Variants in RAPGEF2 observed in about 807,000 individuals in gnomAD.
RAPGEF2 encodes the protein Rap guanine nucleotide exchange factor 2, also known as PDZ domain containing guanine nucleotide exchange factor (GEF) 1.
In RAPGEF2, 54 loss-of-function variants were observed where a neutral mutation model predicts 186.7. The observed-to-expected ratio is 0.29, with a 90% CI of 0.23 to 0.36. The LOEUF (loss-of-function observed/expected upper bound fraction) is 0.36. RAPGEF2 is among the 10% of genes least tolerant of loss of function. The pLI is 1.00. For synonymous variants in RAPGEF2, 712 were observed against 705.9 expected (o/e 1.01, Z -0.14); for missense variants, 1,532 against 2,045.0 (o/e 0.75, Z 4.84).
chr4:159,239,891 A>C (rs1035792592), intron 5 of RAPGEF2, among the ~76,000 whole-genome samples: 1 of 152,226 alleles, frequency 6.6e-6, no homozygotes, highest in African/African-American at 2.4e-5. Context: ...TTCAGAGAAG[A>C]TGTAGGGTTT....
At chr4:159,130,392 CTTG>C (rs888048575) in intron 1 of RAPGEF2, among the ~76,000 whole-genome samples, 8 of 152,320 alleles carry the variant, frequency 5.3e-5, no homozygotes, top group African/African-American at 1.9e-4. Flanking sequence ...ACAACAGGGT[CTTG>C]CCCTGTCACC....
chr4:159,178,468 G>C (rs528067381), intron 1 of RAPGEF2, among the ~76,000 whole-genome samples: 1 of 151,050 alleles, frequency 6.6e-6, no homozygotes, highest in African/African-American at 2.4e-5. Context: ...TATATATTCT[G>C]AATGAGTCTC....
At chr4:159,144,511 G>A (rs897382768) in intron 1 of RAPGEF2, among the ~76,000 whole-genome samples, 9 of 152,178 alleles carry the variant, frequency 5.9e-5, no homozygotes, top group Non-Finnish European at 1.3e-4. Flanking sequence ...GAGCTATGAA[G>A]CTATCCTTCA....
intron 24 of RAPGEF2, among the ~76,000 whole-genome samples, 181 bp from the exon 25 acceptor site, chr4:159,346,608 T>C (rs1730343756): frequency 6.6e-6 from 1 of 152,226 alleles, no homozygotes; most frequent in Non-Finnish European, 1.5e-5. Flanking sequence ...ATATCTAATA[T>C]TTTCTGTAAC....
At chr4:159,319,465 C>T (rs1204692305) in intron 9 of RAPGEF2, among the ~76,000 whole-genome samples, 1 of 151,586 alleles carries the variant, frequency 6.6e-6, no homozygotes, top group Non-Finnish European at 1.5e-5. Context: ...GAAACCTGCC[C>T]CTGGTGCCAA....
intron 17 of RAPGEF2, among the ~76,000 whole-genome samples, chr4:159,334,842 A>G (rs1767175741): frequency 6.6e-6 from 1 of 152,228 alleles, no homozygotes; most frequent in Non-Finnish European, 1.5e-5. Flanking sequence ...AACACTGAGG[A>G]AACATCTTAA....
chr4:159,337,910 A>AAAAAAAAAAAAG (rs1767681602), intron 17 of RAPGEF2, among the ~76,000 whole-genome samples: 3 of 143,106 alleles, frequency 2.1e-5, no homozygotes, highest in South Asian at 2.2e-4. Context: ...AAAAAAAAAA[A>AAAAAAAAAAAAG]AAAGAAAGAA....
chr4:159,146,779 T>C (rs1423336607), intron 1 of RAPGEF2, among the ~76,000 whole-genome samples: 3 of 152,198 alleles, frequency 2.0e-5, no homozygotes, highest in Non-Finnish European at 4.4e-5. Context: ...CCAGCTTTTC[T>C]TTGGTATCTA....
At chr4:159,307,460 G>A (rs1364879400) in intron 8 of RAPGEF2, among the ~76,000 whole-genome samples, 1 of 152,036 alleles carries the variant, frequency 6.6e-6, no homozygotes, top group East Asian at 1.9e-4. Flanking sequence ...GAGTTCCCTT[G>A]TGTAAAACAA....
At chr4:159,326,134 A>G (rs1357376980) in intron 11 of RAPGEF2, among the ~76,000 whole-genome samples, 2 of 152,214 alleles carry the variant, frequency 1.3e-5, no homozygotes, top group Admixed American at 6.5e-5. Context: ...TCCCTAAGGA[A>G]TTCCTTAAAC....
chr4:159,183,598 C>G (rs527438649), intron 1 of RAPGEF2, among the ~76,000 whole-genome samples: 1 of 152,056 alleles, frequency 6.6e-6, no homozygotes, highest in African/African-American at 2.4e-5. Flanking sequence ...AGGACACCAT[C>G]AAGGAAGTAA....
rs750865816 is a variant in RAPGEF2, at chr4:159,352,672, A to G, written c.3866-13A>G. Reference sequence around the variant, plus strand: ...TAGAGAGTCTAATTAATACGGTTGTATTTCTCATGCAGGCTATACTTTGGC... The same window carrying G: ...TAGAGAGTCTAATTAATACGGTTGTGTTTCTCATGCAGGCTATACTTTGGC... On this transcript the variant is annotated splice_polypyrimidine_tract_variant and intron_variant, in intron 26 of 29. Coordinates refer to ENST00000691494, the MANE Select transcript of RAPGEF2 (RefSeq NM_001394067.2). 8.2e-6 allele frequency: 13 copies of G among 1,592,656 alleles called. No homozygotes were observed. In the East Asian group the frequency reaches 1.1e-4, roughly 14 times the overall value.
At chr4:159,189,802 A>G (rs1747930108) in intron 2 of RAPGEF2, among the ~76,000 whole-genome samples, 1 of 152,242 alleles carries the variant, frequency 6.6e-6, no homozygotes, top group Admixed American at 6.5e-5. Flanking sequence ...TGACTTTCTG[A>G]TAGCACTGTT....
At chr4:159,248,773 T>C (rs1269947685) in intron 7 of RAPGEF2, among the ~76,000 whole-genome samples, 1 of 152,206 alleles carries the variant, frequency 6.6e-6, no homozygotes, top group Non-Finnish European at 1.5e-5. Flanking sequence ...GAAAATAAAA[T>C]GATTTCTCAT....
chr4:159,123,894 TGCCCAG>T (rs997700562), intron 1 of RAPGEF2, among the ~76,000 whole-genome samples: 11 of 148,422 alleles, frequency 7.4e-5, no homozygotes, highest in Admixed American at 6.7e-4. Context: ...TCACTCTTCT[TGCCCAG>T]GCTGGAGTGC....
intron 5 of RAPGEF2, 140 bp from the exon 6 acceptor site, chr4:159,241,061 T>C: frequency 3.2e-6 from 2 of 627,582 alleles, no homozygotes; most frequent in South Asian, 8.8e-5. Context: ...CAGAGACACT[T>C]GAAGTTTGTC....
At chr4:159,240,277 A>G (rs1467135831) in intron 5 of RAPGEF2, among the ~76,000 whole-genome samples, 2 of 151,334 alleles carry the variant, frequency 1.3e-5, no homozygotes, top group South Asian at 2.1e-4. Context: ...GAGAAGTCAC[A>G]TGAGGAATAA....
Position 159,144,879 on chromosome 4 carries a change from G to GTTTTTTTTTTTTTTT in RAPGEF2, c.69+40660_69+40674dup, listed in dbSNP as rs137978885. Among the ~76,000 whole-genome samples, 6 of 92,316 alleles carry GTTTTTTTTTTTTTTT rather than the reference G, an allele frequency of 6.5e-5. 2 individuals are homozygous for GTTTTTTTTTTTTTTT. Among genetic ancestry groups the GTTTTTTTTTTTTTTT allele is most frequent in the African/African-American group, 1.7e-4 (4 of 23,568 alleles). The allele number at this position is 92,316 out of a possible 152,430, so 60.6% of individuals were successfully genotyped here. The stretch of plus-strand genomic sequence containing the variant: ...CTTCTTAATTTTTTTCTTTCTTCCT[G>GTTTTTTTTTTTTTTT]TTTTTTTTTTTTTTTTTTTTTTTTT... On this transcript the variant is annotated intron_variant, in intron 1 of 29. Transcript: ENST00000691494.
chr4:159,332,871 C>A, intron 17 of RAPGEF2, 174 bp downstream of exon 17: 1 of 616,574 alleles, frequency 1.6e-6, no homozygotes, highest in Non-Finnish European at 2.5e-6. Context: ...GTTTTTGCCA[C>A]TTATTTGGCT....
Sources: allele counts gnomAD v4.1 joint callset (sites outside exome capture counted in the v4.1 genomes callset), GRCh38; gene constraint gnomAD v4.1.1; transcripts MANE v1.5; gene names NCBI Gene and HGNC (gene_info 2026-07-23, HGNC 2026-07-21).